Variants in WLS observed in about 807,000 individuals in gnomAD.
WLS encodes the protein Wnt ligand secretion mediator, also known as protein wntless homolog.
Under a neutral mutation model 62.8 loss-of-function variants are expected in WLS, and 23 were observed. That is an observed-to-expected ratio of 0.37 (90% CI 0.26 to 0.52). WLS has a LOEUF of 0.52. Ranked by LOEUF, WLS falls within the 20% of genes least tolerant of loss-of-function variation. The probability of loss-of-function intolerance (pLI) is 0.92; values close to 1 mark genes in which losing one functional copy is unlikely to be tolerated. For synonymous variants in WLS, 246 were observed against 244.1 expected (o/e 1.01, Z -0.07); for missense variants, 615 against 697.3 (o/e 0.88, Z 1.33).
intron 11 of WLS, among the ~76,000 whole-genome samples, chr1:68,113,716 C>G (rs969132441): frequency 6.6e-6 from 1 of 152,186 alleles, no homozygotes; most frequent in African/African-American, 2.4e-5. Flanking sequence ...AATGCATCGT[C>G]TCAGGCCCTT....
chr1:68,150,025 C>T (rs750026421), intron 6 of WLS, among the ~76,000 whole-genome samples, 163 bp downstream of exon 6: 1 of 152,170 alleles, frequency 6.6e-6, no homozygotes, highest in Non-Finnish European at 1.5e-5. Context: ...GGTGGTGAAG[C>T]AGGAATGTGA....
At chr1:68,190,922 G>T (rs531395742) in intron 2 of WLS, among the ~76,000 whole-genome samples, 4 of 152,254 alleles carry the variant, frequency 2.6e-5, no homozygotes, top group African/African-American at 9.6e-5. Flanking sequence ...GCCAGGCGTG[G>T]TGGCACATGC....
chr1:68,135,127 C>CTTTCT (rs55693104), intron 11 of WLS, among the ~76,000 whole-genome samples: 80 of 150,352 alleles, frequency 5.3e-4, no homozygotes, highest in Admixed American at 9.3e-4. Flanking sequence ...CAACCATGGA[C>CTTTCT]TTTCTTTTCT....
intron 2 of WLS, among the ~76,000 whole-genome samples, chr1:68,179,858 G>A (rs1312690939): frequency 1.3e-5 from 2 of 152,120 alleles, no homozygotes; most frequent in Non-Finnish European, 2.9e-5. Flanking sequence ...CAGTTTAAGT[G>A]CTAATAAAGG....
chr1:68,195,432 A>T (rs1019948689), intron 1 of WLS, among the ~76,000 whole-genome samples: 1 of 152,246 alleles, frequency 6.6e-6, no homozygotes, highest in Non-Finnish European at 1.5e-5. Context: ...GAAAGCACTC[A>T]GAGTAGTGCT....
At chr1:68,110,481 A>G (rs912868771) in intron 11 of WLS, among the ~76,000 whole-genome samples, 3 of 152,110 alleles carry the variant, frequency 2.0e-5, no homozygotes, top group Non-Finnish European at 2.9e-5. Flanking sequence ...GCATTAAATA[A>G]AAAACCAAAT....
chr1:68,116,543 T>G (rs1430264736), intron 11 of WLS, among the ~76,000 whole-genome samples: 1 of 152,216 alleles, frequency 6.6e-6, no homozygotes, highest in Non-Finnish European at 1.5e-5. Context: ...CCAAGCTCTC[T>G]GTGCCAACAA....
chr1:68,227,801 T>C (rs1336762077), intron 1 of WLS, among the ~76,000 whole-genome samples: 1 of 152,142 alleles, frequency 6.6e-6, no homozygotes, highest in African/African-American at 2.4e-5. Context: ...TACTGAAGGA[T>C]TACAACTATT....
chr1:68,208,109 C>T (rs754717011), intron 1 of WLS, among the ~76,000 whole-genome samples: 2 of 152,132 alleles, frequency 1.3e-5, no homozygotes, highest in Non-Finnish European at 2.9e-5. Context: ...CTAAGATAAC[C>T]CTGAGAAATA....
chr1:68,176,706 G>A (rs1647274372), intron 2 of WLS, among the ~76,000 whole-genome samples: 1 of 152,164 alleles, frequency 6.6e-6, no homozygotes, highest in South Asian at 2.1e-4. Flanking sequence ...TGTTATTTCA[G>A]AGCATTTCAT....
At chr1:68,122,111 C>T (rs80137893), downstream of WLS, among the ~76,000 whole-genome samples, 4,773 of 152,316 alleles carry the variant, frequency 0.031, 101 homozygotes, top group Middle Eastern at 0.099. Flanking sequence ...TGTTACCATT[C>T]AGCCTTTGGA....
intron 1 of WLS, among the ~76,000 whole-genome samples, chr1:68,201,423 C>T (rs1020135582): frequency 1.2e-4 from 19 of 152,200 alleles, no homozygotes; most frequent in African/African-American, 4.6e-4. Context: ...ATAGTAGACA[C>T]TTATGCTTTC....
chr1:68,153,420 C>A, intron 5 of WLS, 97 bp downstream of exon 5: 1 of 1,544,480 alleles, frequency 6.5e-7, no homozygotes, highest in Non-Finnish European at 8.8e-7. Context: ...GCCTAAGTCA[C>A]ACACTGGCTG....
At chr1:68,134,906 C>G (rs1342664127) in intron 11 of WLS, among the ~76,000 whole-genome samples, 1 of 152,178 alleles carries the variant, frequency 6.6e-6, no homozygotes, top group Non-Finnish European at 1.5e-5. Flanking sequence ...GCTCAAATCT[C>G]AAGAATCTGT....
chr1:68,175,878 G>C (rs143713225), intron 2 of WLS, among the ~76,000 whole-genome samples: 15 of 152,334 alleles, frequency 9.8e-5, no homozygotes, highest in Non-Finnish European at 1.9e-4. Flanking sequence ...AAATACATTT[G>C]TGCTGCCAGC....
intron 2 of WLS, chr1:68,162,539 G>A (rs1327644627): frequency 6.2e-7 from 1 of 1,604,468 alleles, no homozygotes; most frequent in African/African-American, 1.3e-5. Context: ...AAGCCGATGA[G>A]GCCCAGCATT....
chr1:68,207,071 G>A (rs1364887164), intron 1 of WLS, among the ~76,000 whole-genome samples: 1 of 152,130 alleles, frequency 6.6e-6, no homozygotes, highest in Non-Finnish European at 1.5e-5. Context: ...AGAGATCAAA[G>A]AACTGTTCCT....
chr1:68,193,731 AGT>A (rs1648497565), intron 2 of WLS: 1 of 548,156 alleles, frequency 1.8e-6, no homozygotes, highest in Admixed American at 3.4e-5. Context: ...CTGGTGCCCA[AGT>A]GTTCCATCTG....
At position 68,161,321 on chromosome 1, in the gene WLS, G is replaced by A. The variant is rs113876918; in HGVS notation, c.380-2074C>T. The stretch of plus-strand genomic sequence containing the variant: ...TAATGTAATTTTCCTATTAGCAAAA[G>A]GAGGTCACCAGCCCCTGTAGACTTA... On this transcript the variant is annotated intron_variant, in intron 2 of 11. Coordinates refer to ENST00000262348, the MANE Select transcript of WLS (RefSeq NM_024911.7). 3.3e-4 allele frequency among the ~76,000 whole-genome samples: 50 copies of A among 152,288 alleles called. 1 individual carries two copies. Among genetic ancestry groups the A allele is most frequent in the African/African-American group, 1.2e-3 (50 of 41,560 alleles).
Sources: allele counts gnomAD v4.1 joint callset (sites outside exome capture counted in the v4.1 genomes callset), GRCh38; gene constraint gnomAD v4.1.1; transcripts MANE v1.5; gene names NCBI Gene and HGNC (gene_info 2026-07-23, HGNC 2026-07-21).